SNTG1: variants seen among roughly 807,000 people sequenced by gnomAD.
SNTG1 encodes gamma-1-syntrophin.
In SNTG1, 39 loss-of-function variants were observed where a neutral mutation model predicts 74.7. The observed-to-expected ratio is 0.52, with a 90% CI of 0.40 to 0.68. The LOEUF is 0.68. Among genes scored for constraint, SNTG1 ranks in the 30% least tolerant of loss-of-function variants. SNTG1 has a pLI of 0.00. For synonymous variants in SNTG1, 254 were observed against 217.1 expected (o/e 1.17, Z -1.49); for missense variants, 685 against 609.5 (o/e 1.12, Z -1.30).
intron 15 of SNTG1, among the ~76,000 whole-genome samples, chr8:50,695,487 C>T (rs2095401391): frequency 1.3e-5 from 2 of 149,554 alleles, no homozygotes; most frequent in South Asian, 4.2e-4. Flanking sequence ...TTTTTTATTT[C>T]TTATTTATTT....
chr8:50,367,488 G>A (rs1181952233), intron 2 of SNTG1, among the ~76,000 whole-genome samples: 2 of 151,926 alleles, frequency 1.3e-5, no homozygotes, highest in Non-Finnish European at 2.9e-5. Flanking sequence ...TATTTTTTAT[G>A]TTAGTGAGAG....
At chr8:50,075,805 G>C (rs996867019) in intron 1 of SNTG1, among the ~76,000 whole-genome samples, 1 of 152,116 alleles carries the variant, frequency 6.6e-6, no homozygotes, top group Non-Finnish European at 1.5e-5. Context: ...CGCCTTAAGA[G>C]CTATAACACT....
chr8:50,740,792 T>A (rs1161864185), intron 17 of SNTG1, among the ~76,000 whole-genome samples: 1 of 152,016 alleles, frequency 6.6e-6, no homozygotes, highest in Non-Finnish European at 1.5e-5. Flanking sequence ...ATATACACCA[T>A]GGAATACTAA....
intron 2 of SNTG1, among the ~76,000 whole-genome samples, chr8:50,330,291 C>T (rs1252798928): frequency 6.6e-6 from 1 of 152,166 alleles, no homozygotes; most frequent in African/African-American, 2.4e-5. Context: ...TCCCCTTCCA[C>T]TGTGATTATA....
intron 9 of SNTG1, among the ~76,000 whole-genome samples, chr8:50,516,587 G>A (rs774041631): frequency 8.5e-5 from 13 of 152,176 alleles, no homozygotes; most frequent in Non-Finnish European, 1.3e-4. Flanking sequence ...AATAAGTTTA[G>A]AGAAGAATAT....
chr8:50,189,830 G>T (rs1289809279), intron 2 of SNTG1, among the ~76,000 whole-genome samples: 1 of 152,138 alleles, frequency 6.6e-6, no homozygotes, highest in Non-Finnish European at 1.5e-5. Context: ...TAAAAATAGA[G>T]ATAGGATTTT....
intron 13 of SNTG1, among the ~76,000 whole-genome samples, chr8:50,642,643 A>G (rs561990207): frequency 6.6e-5 from 10 of 152,196 alleles, no homozygotes; most frequent in African/African-American, 2.4e-4. Context: ...ATATCCATAC[A>G]GGTAACTCAC....
chr8:50,586,987 T>A (rs1476920419), intron 12 of SNTG1, among the ~76,000 whole-genome samples: 1 of 152,044 alleles, frequency 6.6e-6, no homozygotes, highest in Non-Finnish European at 1.5e-5. Context: ...ACTGTTTGAA[T>A]TTTGTATTTA....
intron 2 of SNTG1, among the ~76,000 whole-genome samples, chr8:50,383,428 T>C (rs2092523058): frequency 6.6e-6 from 1 of 152,184 alleles, no homozygotes; most frequent in Non-Finnish European, 1.5e-5. Flanking sequence ...ATAATTGACA[T>C]ATATTATACA....
chr8:50,207,570 A>C (rs181698391), intron 2 of SNTG1, among the ~76,000 whole-genome samples: 1 of 151,806 alleles, frequency 6.6e-6, no homozygotes, highest in Non-Finnish European at 1.5e-5. Context: ...ATCTCCTTCA[A>C]TTCTGCTCTG....
chr8:50,663,486 C>G (rs73676388), intron 15 of SNTG1, among the ~76,000 whole-genome samples: 4,186 of 152,130 alleles, frequency 0.028, 168 homozygotes, highest in African/African-American at 0.092. Context: ...GCAGAGGAGT[C>G]GGGCCTGAAT....
chr8:50,215,109 C>A (rs2084715852), intron 2 of SNTG1, among the ~76,000 whole-genome samples: 3 of 152,018 alleles, frequency 2.0e-5, no homozygotes, highest in African/African-American at 7.2e-5. Flanking sequence ...GTGCACCAGT[C>A]CCGGAAGATC....
chr8:50,294,634 G>A (rs539892432), intron 2 of SNTG1, among the ~76,000 whole-genome samples: 22 of 152,288 alleles, frequency 1.4e-4, no homozygotes, highest in African/African-American at 5.1e-4. Flanking sequence ...AACAGATTGA[G>A]TGAGGCCCAC....
intron 18 of SNTG1, 55 bp from the exon 19 acceptor site, chr8:50,792,616 A>T: frequency 1.4e-5 from 21 of 1,510,490 alleles, no homozygotes; most frequent in Non-Finnish European, 1.8e-5. Flanking sequence ...GCTATTATAA[A>T]TTTTTAAAGA....
chr8:50,702,052 T>C (rs570630632), intron 15 of SNTG1, among the ~76,000 whole-genome samples: 4 of 85,710 alleles, frequency 4.7e-5, no homozygotes, highest in Non-Finnish European at 8.9e-5. Flanking sequence ...GGTTTCACCA[T>C]GTGGGACAGT....
chr8:50,257,855 G>A (rs1415919296), intron 2 of SNTG1, among the ~76,000 whole-genome samples: 3 of 152,116 alleles, frequency 2.0e-5, no homozygotes, highest in Non-Finnish European at 4.4e-5. Context: ...TTATGCCCCT[G>A]GGTCTTGTCA....
chr8:50,008,290 T>C (rs1357902961), intron 1 of SNTG1, among the ~76,000 whole-genome samples: 1 of 152,168 alleles, frequency 6.6e-6, no homozygotes. Context: ...TTTTCTTGTA[T>C]GAAAATGAGC....
chr8:49,938,623 C>CTTTCTTTCTTTCTTTCTT, intron 1 of SNTG1, among the ~76,000 whole-genome samples: 1 of 61,362 alleles, frequency 1.6e-5, no homozygotes, highest in Non-Finnish European at 3.4e-5. Flanking sequence ...TTCTTTCTTT[C>CTTTCTTTCTTTCTTTCTT]TTTCTTTCTT....
At chr8:50,574,097 G>C (rs2094563795) in intron 12 of SNTG1, among the ~76,000 whole-genome samples, 1 of 151,898 alleles carries the variant, frequency 6.6e-6, no homozygotes, top group Non-Finnish European at 1.5e-5. Flanking sequence ...TTCCATTATT[G>C]GAACGCTAAG....
Sources: gnomAD v4.1 joint callset for allele counts (sites outside exome capture counted in the v4.1 genomes callset) on GRCh38, gnomAD v4.1.1 for gene constraint, MANE v1.5 for transcripts, NCBI Gene and HGNC (gene_info 2026-07-23, HGNC 2026-07-21) for gene names.